The following UST variants were observed in gnomAD, a reference collection of about 807,000 sequenced individuals.
The protein encoded by UST is uronyl 2-sulfotransferase, also known as chondroitin sulfate 2-O-sulfotransferase.
A neutral mutation model predicts 45.6 loss-of-function variants in UST; 21 were observed. That is an observed-to-expected ratio of 0.46 (90% CI 0.33 to 0.66). The LOEUF (loss-of-function observed/expected upper bound fraction) is 0.66. Among genes scored for constraint, UST ranks in the 30% least tolerant of loss-of-function variants. The pLI is 0.02. For synonymous variants in UST, 215 were observed against 200.6 expected, an observed-to-expected ratio of 1.07 and a Z score of -0.61; for missense variants, 463 against 512.4, an observed-to-expected ratio of 0.90 and a Z score of 0.93.
intron 7 of UST, among the ~76,000 whole-genome samples, chr6:149,054,898 T>A (rs1776539340): frequency 6.6e-6 from 1 of 152,182 alleles, no homozygotes; most frequent in African/African-American, 2.4e-5. Flanking sequence ...CACAGCTCAC[T>A]GCAGCCTAGA....
chr6:148,923,932 C>T (rs550212819), intron 2 of UST, among the ~76,000 whole-genome samples: 7 of 152,270 alleles, frequency 4.6e-5, no homozygotes, highest in African/African-American at 1.7e-4. Flanking sequence ...TCGGTTTCCT[C>T]GTCAGTAAAT....
At chr6:148,895,507 G>C (rs994074326) in intron 2 of UST, among the ~76,000 whole-genome samples, 2 of 152,156 alleles carry the variant, frequency 1.3e-5, no homozygotes, top group Admixed American at 6.5e-5. Context: ...CTAACCGTTA[G>C]GCTAACAATA....
rs142620675 is a variant in UST, at chr6:148,777,284, T to G, written c.247+29607T>G. 2.5e-4 allele frequency among the ~76,000 whole-genome samples: 38 copies of G among 152,368 alleles called. 1 individual carries two copies. Among genetic ancestry groups the G allele is most frequent in the African/African-American group, 8.9e-4 (37 of 41,600 alleles). On this transcript the variant is annotated intron_variant, in intron 1 of 7. Transcript: ENST00000367463. ...CAGTTGTGTTCTACATAAGCAAGCCTGATGGATGACTCTGAATAAGTAAAT... is the reference window on the plus strand; with the variant it reads ...CAGTTGTGTTCTACATAAGCAAGCCGGATGGATGACTCTGAATAAGTAAAT...
intron 5 of UST, among the ~76,000 whole-genome samples, chr6:149,006,079 C>T (rs1775683526): frequency 6.6e-6 from 1 of 152,192 alleles, no homozygotes; most frequent in Admixed American, 6.5e-5. Context: ...CATCCTATAC[C>T]ATATTTTATG....
intron 2 of UST, among the ~76,000 whole-genome samples, chr6:148,923,577 G>C (rs912848623): frequency 1.3e-5 from 2 of 152,230 alleles, no homozygotes; most frequent in Admixed American, 1.3e-4. Context: ...AAATGCTAGA[G>C]TCTCTTCCTA....
At chr6:149,052,531 G>A (rs564316485) in intron 7 of UST, among the ~76,000 whole-genome samples, 16 of 152,166 alleles carry the variant, frequency 1.1e-4, no homozygotes, top group Admixed American at 7.9e-4. Flanking sequence ...GCACTCAAGT[G>A]ATTGAACATT....
At chr6:149,002,870 C>A (rs542720762) in intron 5 of UST, among the ~76,000 whole-genome samples, 1 of 152,250 alleles carries the variant, frequency 6.6e-6, no homozygotes, top group African/African-American at 2.4e-5. Flanking sequence ...ATAATGAGAA[C>A]TACCAAGAAG....
intron 6 of UST, among the ~76,000 whole-genome samples, chr6:149,020,673 A>G (rs1422374970): frequency 6.6e-6 from 1 of 152,128 alleles, no homozygotes; most frequent in Non-Finnish European, 1.5e-5. Flanking sequence ...CAAATGATAA[A>G]TGACAGCCAG....
At chr6:149,042,975 C>T (rs917772431) in intron 7 of UST, among the ~76,000 whole-genome samples, 7 of 112,128 alleles carry the variant, frequency 6.2e-5, no homozygotes, top group African/African-American at 3.0e-4. Context: ...TTCTTTCTTT[C>T]TTTCTTTCTT....
intron 2 of UST, among the ~76,000 whole-genome samples, chr6:148,912,638 C>T (rs150870255): frequency 6.6e-6 from 1 of 152,294 alleles, no homozygotes; most frequent in East Asian, 1.9e-4. Context: ...CCGGTCAGAG[C>T]CTGTTCATAT....
intron 7 of UST, among the ~76,000 whole-genome samples, chr6:149,043,633 G>A (rs1024964475): frequency 1.3e-5 from 2 of 152,252 alleles, no homozygotes; most frequent in African/African-American, 4.8e-5. Flanking sequence ...CTGACGGAGA[G>A]CCACCAGGAG....
At chr6:149,013,717 A>G (rs1775853815) in intron 5 of UST, among the ~76,000 whole-genome samples, 1 of 152,158 alleles carries the variant, frequency 6.6e-6, no homozygotes. Context: ...TTCCTCATTC[A>G]GGGAACTTTG....
At chr6:148,909,752 G>C (rs1021919041) in intron 2 of UST, among the ~76,000 whole-genome samples, 1 of 152,166 alleles carries the variant, frequency 6.6e-6, no homozygotes, top group East Asian at 1.9e-4. Context: ...TGCTTTGCTC[G>C]AAGTATCTAT....
intron 3 of UST, among the ~76,000 whole-genome samples, chr6:148,947,756 G>A (rs1478608194): frequency 1.3e-5 from 2 of 152,134 alleles, no homozygotes; most frequent in Non-Finnish European, 2.9e-5. Context: ...TAGGAGTGGG[G>A]ACAGTGTCCA....
At chr6:148,810,126 G>A (rs1288997210) in intron 1 of UST, among the ~76,000 whole-genome samples, 1 of 152,200 alleles carries the variant, frequency 6.6e-6, no homozygotes, top group Non-Finnish European at 1.5e-5. Context: ...GTAGCCAGAA[G>A]CAAGCTGAAC....
chr6:148,886,409 G>A (rs1374260480), intron 1 of UST, among the ~76,000 whole-genome samples: 1 of 152,168 alleles, frequency 6.6e-6, no homozygotes, highest in African/African-American at 2.4e-5. Context: ...TTATTCATCA[G>A]GAAACAATAG....
intron 1 of UST, among the ~76,000 whole-genome samples, chr6:148,834,941 T>G (rs908101760): frequency 2.0e-5 from 3 of 152,140 alleles, no homozygotes; most frequent in Non-Finnish European, 4.4e-5. Context: ...AGTATACAAA[T>G]AAATAGTCAA....
intron 2 of UST, among the ~76,000 whole-genome samples, chr6:148,935,333 G>A (rs17080176): frequency 0.13 from 19,075 of 152,118 alleles, 1,504 homozygotes; most frequent in South Asian, 0.17. Context: ...TCATATAACC[G>A]CAGTTGCCAA....
chr6:148,956,352 G>A (rs915609577), intron 4 of UST, among the ~76,000 whole-genome samples: 103 of 147,754 alleles, frequency 7.0e-4, no homozygotes, highest in Non-Finnish European at 1.1e-3. Context: ...GGCAGGAGTC[G>A]AAAGGCACTT....
Sources: allele counts gnomAD v4.1 joint callset (sites outside exome capture counted in the v4.1 genomes callset), GRCh38; gene constraint gnomAD v4.1.1; transcripts MANE v1.5; gene names NCBI Gene and HGNC (gene_info 2026-07-23, HGNC 2026-07-21).